Variants in BICD1 observed in about 807,000 individuals in gnomAD.
BICD1 encodes protein bicaudal D homolog 1.
BICD1 carries 35 observed loss-of-function variants against 92.5 expected under a neutral mutation model. The ratio of observed to expected loss-of-function variants is 0.38; its 90% CI spans 0.29 to 0.50. The LOEUF is 0.50. Ranked by LOEUF, BICD1 falls within the 20% of genes least tolerant of loss-of-function variation. BICD1 has a pLI of 0.93. For missense variants in BICD1, 950 were observed against 1,189.8 expected, an observed-to-expected ratio of 0.80 and a Z score of 2.97; for synonymous variants, 429 against 465.1, an observed-to-expected ratio of 0.92 and a Z score of 1.00.
chr12:32,316,612 A>G (rs554577376), intron 4 of BICD1, among the ~76,000 whole-genome samples: 1 of 152,012 alleles, frequency 6.6e-6, no homozygotes, highest in South Asian at 2.1e-4. Context: ...TACTTAGGAT[A>G]TTTTCAATTT....
Position 32,226,506 on chromosome 12 carries a change from C to T in BICD1, c.426+10047C>T, listed in dbSNP as rs1945698417. Among the ~76,000 whole-genome samples the T allele has an allele frequency of 2.6e-5, 4 of 152,150 alleles. No homozygotes were observed. The South Asian group carries it at 8.3e-4, about 32-fold the overall frequency. The stretch of plus-strand genomic sequence containing the variant: ...GAGAATTATCTTTAAATAACCATCT[C>T]CTCACTTCACACTTAGTCTGGGAAA... On this transcript the variant is annotated intron_variant, in intron 2 of 9. Coordinates refer to ENST00000652176, the MANE Select transcript of BICD1 (RefSeq NM_001714.4).
intron 2 of BICD1, among the ~76,000 whole-genome samples, chr12:32,236,410 T>A (rs201471016): frequency 0.048 from 7,358 of 151,936 alleles, 288 homozygotes; most frequent in East Asian, 0.21. Flanking sequence ...ATAATAATAA[T>A]AAAGACTTAA....
chr12:32,236,569 A>G (rs1946079263), intron 2 of BICD1, among the ~76,000 whole-genome samples: 1 of 152,182 alleles, frequency 6.6e-6, no homozygotes, highest in East Asian at 1.9e-4. Context: ...AATGGCTTCT[A>G]CATGTTCAAG....
At chr12:32,306,420 A>G (rs921411884) in intron 4 of BICD1, among the ~76,000 whole-genome samples, 12 of 151,528 alleles carry the variant, frequency 7.9e-5, no homozygotes, top group Non-Finnish European at 1.3e-4. Context: ...ATTTTTTTGT[A>G]TTTTTAGTAG....
At chr12:32,108,914 G>T (rs1266040116) in intron 1 of BICD1, 1 of 449,570 alleles carries the variant, frequency 2.2e-6, no homozygotes, top group Non-Finnish European at 4.0e-6. Flanking sequence ...CTTAGATTAG[G>T]CTGACATGTT....
chr12:32,148,884 G>A (rs1323738370), intron 1 of BICD1, among the ~76,000 whole-genome samples: 4 of 152,018 alleles, frequency 2.6e-5, no homozygotes, highest in East Asian at 3.9e-4. Context: ...GCTGGACATG[G>A]TGGTGCACAC....
chr12:32,247,224 G>A (rs1055594654), intron 2 of BICD1, among the ~76,000 whole-genome samples: 13 of 131,338 alleles, frequency 9.9e-5, no homozygotes, highest in Middle Eastern at 3.8e-3. Context: ...ATGACAGAGC[G>A]AGACCCTGTA....
chr12:32,373,377 G>T (rs894636566), intron 9 of BICD1, among the ~76,000 whole-genome samples: 1 of 152,124 alleles, frequency 6.6e-6, no homozygotes, highest in Non-Finnish European at 1.5e-5. Flanking sequence ...CCATGTGATT[G>T]CAGCATTTTA....
chr12:32,154,312 TG>T (rs1162499733), intron 1 of BICD1, among the ~76,000 whole-genome samples: 3 of 152,160 alleles, frequency 2.0e-5, no homozygotes, highest in Non-Finnish European at 1.5e-5. Flanking sequence ...CGAGGTCTAT[TG>T]GAGAGCTGTT....
At position 32,313,045 on chromosome 12, in the gene BICD1, C is replaced by T. The variant is rs565464282; in HGVS notation, c.1005+6923C>T. 3.9e-5 allele frequency among the ~76,000 whole-genome samples: 6 copies of T among 152,136 alleles called. No individual in the cohort carries two copies. Among genetic ancestry groups the T allele is most frequent in the South Asian group, 2.1e-4 (1 of 4,818 alleles). ...GTCCTGTATGCTTGTGCTGAAATTT[C>T]TGTCTTTGATAAATAGCCTCTAACT... is the stretch of plus-strand genomic sequence containing the variant. On this transcript the variant is annotated intron_variant, in intron 4 of 9. Coordinates refer to ENST00000652176, the MANE Select transcript of BICD1 (RefSeq NM_001714.4). The surrounding 1 kb of genome is among the most constrained non-coding windows in gnomAD (Gnocchi z 4.2).
chr12:32,117,673 C>T (rs903927624), intron 1 of BICD1, among the ~76,000 whole-genome samples: 3 of 139,756 alleles, frequency 2.1e-5, no homozygotes, highest in Non-Finnish European at 4.7e-5. Flanking sequence ...TTGTCATTTA[C>T]GCTTAGTCAT....
chr12:32,306,904 TA>T (rs11326503), intron 4 of BICD1, among the ~76,000 whole-genome samples: 110,707 of 151,282 alleles, frequency 0.73, 40,886 homozygotes, highest in Non-Finnish European at 0.79. Context: ...TAATCCCACC[TA>T]ACTCAGGAGG....
At chr12:32,150,171 A>T (rs939305346) in intron 1 of BICD1, among the ~76,000 whole-genome samples, 1 of 152,210 alleles carries the variant, frequency 6.6e-6, no homozygotes, top group Admixed American at 6.5e-5. Flanking sequence ...GGTCCCTCCT[A>T]CAACACATGG....
intron 1 of BICD1, among the ~76,000 whole-genome samples, chr12:32,171,971 ACACACACACACACACACACT>A (rs1943956652): frequency 2.0e-5 from 3 of 149,952 alleles, no homozygotes; most frequent in African/African-American, 7.3e-5. Flanking sequence ...ACACACACAC[ACACACACACACACACACACT>A]AAAACTGCTG....
intron 4 of BICD1, among the ~76,000 whole-genome samples, chr12:32,311,580 A>G (rs1375585182): frequency 1.3e-5 from 2 of 152,240 alleles, no homozygotes; most frequent in East Asian, 3.8e-4. Flanking sequence ...GGCTATAGGT[A>G]AATTTAAACA....
At chr12:32,233,734 G>A (rs1352042537) in intron 2 of BICD1, among the ~76,000 whole-genome samples, 1 of 152,148 alleles carries the variant, frequency 6.6e-6, no homozygotes, top group Admixed American at 6.6e-5. Flanking sequence ...TTTGTTCCTT[G>A]TGCAGCCTGG....
intron 2 of BICD1, among the ~76,000 whole-genome samples, chr12:32,290,616 A>AT (rs1947700476): frequency 6.6e-6 from 1 of 152,168 alleles, no homozygotes; most frequent in Non-Finnish European, 1.5e-5. Flanking sequence ...CTGCTAAGTC[A>AT]TCTCCCAACC....
chr12:32,210,373 A>G (rs1017023424), intron 1 of BICD1, among the ~76,000 whole-genome samples: 2 of 152,212 alleles, frequency 1.3e-5, no homozygotes, highest in East Asian at 3.8e-4. Flanking sequence ...CATTTTAAAG[A>G]TAAAATGATA....
intron 3 of BICD1, among the ~76,000 whole-genome samples, chr12:32,295,158 G>A (rs1947834641): frequency 6.6e-6 from 1 of 150,738 alleles, no homozygotes; most frequent in African/African-American, 2.4e-5. Context: ...GATTACATTC[G>A]TACATTTAAA....
Sources: allele counts gnomAD v4.1 joint callset (sites outside exome capture counted in the v4.1 genomes callset), GRCh38; gene constraint gnomAD v4.1.1; non-coding constraint Gnocchi (gnomAD v3.1); transcripts MANE v1.5; gene names NCBI Gene and HGNC (gene_info 2026-07-23, HGNC 2026-07-21).